The following DPY19L2 variants were observed in gnomAD, a reference collection of about 807,000 sequenced individuals.
DPY19L2 encodes the protein dpy-19 like 2, also known as probable C-mannosyltransferase DPY19L2.
A neutral mutation model predicts 97.9 loss-of-function variants in DPY19L2; 34 were observed. That is an observed-to-expected ratio of 0.35 (90% CI 0.26 to 0.46). The LOEUF is 0.46. Among genes scored for constraint, DPY19L2 ranks in the 20% least tolerant of loss-of-function variants. The probability of loss-of-function intolerance (pLI) is 1.00; values close to 1 mark genes in which losing one functional copy is unlikely to be tolerated. For missense variants in DPY19L2, 623 were observed against 911.4 expected (o/e 0.68, Z 4.07); for synonymous variants, 230 against 307.9 (o/e 0.75, Z 2.65).
At chr12:63,663,218 A>G (rs1016930964) in intron 3 of DPY19L2, among the ~76,000 whole-genome samples, 23 of 152,118 alleles carry the variant, frequency 1.5e-4, no homozygotes, top group Non-Finnish European at 2.8e-4. Context: ...AAAATTGCGC[A>G]ATTTTGGCAT....
chr12:63,609,471 T>C (rs1041403942), intron 11 of DPY19L2, among the ~76,000 whole-genome samples: 5 of 152,132 alleles, frequency 3.3e-5, no homozygotes, highest in African/African-American at 9.7e-5. Context: ...ATGGGATTAG[T>C]GTGCCCATAT....
At chr12:63,627,282 C>G (rs1256392884) in intron 6 of DPY19L2, among the ~76,000 whole-genome samples, 1 of 152,090 alleles carries the variant, frequency 6.6e-6, no homozygotes, top group Non-Finnish European at 1.5e-5. Flanking sequence ...CCCAGAGAAG[C>G]AATAATGCAG....
Position 63,560,372 on chromosome 12 carries a change from AG to A in DPY19L2, c.*139del, listed in dbSNP as rs1250627963. 3 of 1,082,360 alleles carry A rather than the reference AG, an allele frequency of 2.8e-6. No individual in the cohort carries two copies. In the African/African-American group the frequency reaches 4.8e-5, roughly 17 times the overall value. The allele number at this position is 1,082,360 out of a possible 1,614,324, so 67.0% of individuals were successfully genotyped here. On this transcript the variant is annotated 3_prime_UTR_variant, in exon 22 of 22. Coordinates refer to ENST00000324472, the MANE Select transcript of DPY19L2 (RefSeq NM_173812.5). ...AAAAGTAATTTACCTTTTAGTAATC[AG>A]AAAAATTTCCAATCCATTTTTATCT...
intron 16 of DPY19L2, among the ~76,000 whole-genome samples, chr12:63,587,653 A>C (rs1056817822): frequency 2.0e-5 from 3 of 151,152 alleles, no homozygotes; most frequent in Non-Finnish European, 2.9e-5. Flanking sequence ...GCTCACTGCA[A>C]CCTCCAACTC....
intron 4 of DPY19L2, chr12:63,651,762 G>C: frequency 3.1e-6 from 1 of 318,848 alleles, no homozygotes. Flanking sequence ...CATGAATAAA[G>C]AGCTGGCTGC....
chr12:63,662,316 G>A (rs967317425), intron 3 of DPY19L2, among the ~76,000 whole-genome samples: 3 of 151,966 alleles, frequency 2.0e-5, no homozygotes, highest in African/African-American at 7.3e-5. Flanking sequence ...CATCCAACAC[G>A]AGTAAGTACT....
rs1282095557 is a variant in DPY19L2, at chr12:63,582,420, T to A, written c.1711A>T (p.Ile571Leu). The change falls in exon 18 of 22, where the codon ATA becomes TTA. Residue 571 changes from isoleucine to leucine, a missense_variant. Physicochemically the swap from Ile to Leu is conservative, Grantham distance 5. This residue lies in a region of DPY19L2 where 294 missense variants were observed against 446.2 expected (regional missense o/e 0.66). Transcript: ENST00000324472. Reference sequence around the variant, plus strand: ...GAATCCCTTACCTGTCGAGAGCATATCAAGGAAGCCATAACACACATGTGC... The same window carrying A: ...GAATCCCTTACCTGTCGAGAGCATAACAAGGAAGCCATAACACACATGTGC... The part of the protein sequence containing the change: ...TPHMCVMASL[I>L]CSRQLFGWLF... The A allele has an allele frequency of 6.2e-7, 1 of 1,612,928 alleles. No individual in the cohort carries two copies. The highest frequency in any genetic ancestry group is 1.1e-5 in the South Asian group (1 of 90,794).
intron 21 of DPY19L2, among the ~76,000 whole-genome samples, chr12:63,565,010 A>G (rs1483614865): frequency 1.3e-5 from 2 of 152,074 alleles, no homozygotes; most frequent in Non-Finnish European, 2.9e-5. Context: ...TAGCATTCAA[A>G]TATACTTTGA....
intron 6 of DPY19L2, among the ~76,000 whole-genome samples, chr12:63,627,753 C>T (rs1424213768): frequency 6.6e-6 from 1 of 152,194 alleles, no homozygotes; most frequent in Non-Finnish European, 1.5e-5. Flanking sequence ...CATTTATCTT[C>T]CCTCCATACA....
At chr12:63,583,705 C>G (rs1881323956) in intron 17 of DPY19L2, 107 bp downstream of exon 17, 1 of 1,037,814 alleles carries the variant, frequency 9.6e-7, no homozygotes, top group Non-Finnish European at 1.5e-6. Context: ...CAATGCTGAA[C>G]AACTCACTAC....
Position 63,668,175 on chromosome 12 carries a change from C to T in DPY19L2, c.219G>A (p.Val73=). Residue 73 remains valine (V), a synonymous_variant, in exon 1 of 22, where the codon GTG becomes GTA. Transcript: ENST00000324472. ...AGGGGCCGAGAAGAAAGGTCTTGGCCACCACCTCTAGCTCCAAGCCTTTTC... is the reference window on the plus strand; with the variant it reads ...AGGGGCCGAGAAGAAAGGTCTTGGCTACCACCTCTAGCTCCAAGCCTTTTC... ...KERKGLELEV[V]AKTFLLGPFQ... The T allele has an allele frequency of 1.9e-6, 3 of 1,613,948 alleles. No homozygotes were observed. Among genetic ancestry groups the T allele is most frequent in the Non-Finnish European group, 2.5e-6 (3 of 1,179,962 alleles).
intron 16 of DPY19L2, among the ~76,000 whole-genome samples, chr12:63,589,773 T>A: frequency 6.6e-6 from 1 of 152,122 alleles, no homozygotes; most frequent in Non-Finnish European, 1.5e-5. Context: ...TAAGTTGACA[T>A]CTTGGAAGAA....
At chr12:63,625,997 T>C (rs1443278563) in intron 7 of DPY19L2, among the ~76,000 whole-genome samples, 2 of 148,488 alleles carry the variant, frequency 1.3e-5, no homozygotes, top group African/African-American at 4.9e-5. Context: ...ATTTATAAAA[T>C]ATAAATTAAT....
At chr12:63,633,597 C>T (rs923723786) in intron 6 of DPY19L2, among the ~76,000 whole-genome samples, 4 of 152,120 alleles carry the variant, frequency 2.6e-5, no homozygotes, top group South Asian at 2.1e-4. Flanking sequence ...GAAATAGGAA[C>T]ACTTTTACAC....
chr12:63,588,809 G>A (rs1195005968), intron 16 of DPY19L2, among the ~76,000 whole-genome samples: 44 of 147,382 alleles, frequency 3.0e-4, no homozygotes, highest in East Asian at 1.6e-3. Flanking sequence ...GCTGGAGTGC[G>A]GTGGCGCGAT....
chr12:63,642,418 T>C (rs1409298169), intron 6 of DPY19L2, among the ~76,000 whole-genome samples: 6 of 152,120 alleles, frequency 3.9e-5, no homozygotes, highest in Admixed American at 2.0e-4. Context: ...AGTGACTTTT[T>C]CTATATTATA....
At chr12:63,560,798 A>G in intron 21 of DPY19L2, 136 bp from the exon 22 acceptor site, 1 of 1,292,928 alleles carries the variant, frequency 7.7e-7, no homozygotes, top group South Asian at 1.6e-5. Context: ...TCAAAAAACA[A>G]TTTCAATGTT....
intron 9 of DPY19L2, among the ~76,000 whole-genome samples, chr12:63,619,304 G>A (rs1888314469): frequency 6.6e-6 from 1 of 152,066 alleles, no homozygotes; most frequent in Non-Finnish European, 1.5e-5. Flanking sequence ...GCCAGATGTG[G>A]TTGCACAATT....
rs368895713 is a variant in DPY19L2 at position 63,663,839 on chromosome 12, A to G, written c.369T>C (p.His123=). Residue 123 remains histidine (H), a synonymous_variant, in exon 3 of 22, where the codon CAT becomes CAC. Transcript: ENST00000324472. ...GATCATTTTCAAAAAGTGTTACTAA[A>G]TGTAACCTAGAAAAAAATGAAGTAT... is the stretch of plus-strand genomic sequence containing the variant. ...AVFVAILHWL[H]LVTLFENDRH... is the part of the protein sequence containing the mutation. 4.1e-5 allele frequency: 65 copies of G among 1,599,074 alleles called. No individual in the cohort carries two copies. The highest frequency in any genetic ancestry group is 4.6e-5 in the Non-Finnish European group (54 of 1,174,416).
Sources: gnomAD v4.1 joint callset for allele counts (sites outside exome capture counted in the v4.1 genomes callset) on GRCh38, gnomAD v4.1.1 for gene constraint, gnomAD v4.1.1 regional missense constraint, MANE v1.5 for transcripts, NCBI Gene and HGNC (gene_info 2026-07-23, HGNC 2026-07-21) for gene names.